The following ZCCHC14 variants were observed in gnomAD, a reference collection of about 807,000 sequenced individuals.
The protein encoded by ZCCHC14 is zinc finger CCHC-type containing 14, also known as zinc finger CCHC domain-containing protein 14.
ZCCHC14 carries 16 observed loss-of-function variants against 85.0 expected under a neutral mutation model. The observed-to-expected ratio is 0.19, with a 90% CI of 0.13 to 0.29. The LOEUF is 0.29. Ranked by LOEUF, ZCCHC14 falls within the 10% of genes least tolerant of loss-of-function variation. The pLI is 1.00. For missense variants in ZCCHC14, 1,303 were observed against 1,443.5 expected (o/e 0.90, Z 1.58); for synonymous variants, 775 against 630.7 (o/e 1.23, Z -3.43).
intron 3 of ZCCHC14, among the ~76,000 whole-genome samples, chr16:87,430,256 T>C (rs1436141751): frequency 6.6e-6 from 1 of 152,158 alleles, no homozygotes; most frequent in Non-Finnish European, 1.5e-5. Flanking sequence ...TTGCTTCTCC[T>C]GCATACGGAC....
At chr16:87,468,307 C>G (rs572759867) in intron 1 of ZCCHC14, among the ~76,000 whole-genome samples, 2 of 152,180 alleles carry the variant, frequency 1.3e-5, no homozygotes, top group African/African-American at 4.8e-5. Flanking sequence ...TTTTATTTAA[C>G]ATTTTAAAAA....
chr16:87,475,724 A>T (rs1911977204), intron 1 of ZCCHC14, among the ~76,000 whole-genome samples: 1 of 151,444 alleles, frequency 6.6e-6, no homozygotes, highest in Admixed American at 6.6e-5. Context: ...AGAGAGAAAA[A>T]GATCTGAAAG....
chr16:87,482,062 C>T (rs1912305810), intron 1 of ZCCHC14, among the ~76,000 whole-genome samples: 1 of 152,164 alleles, frequency 6.6e-6, no homozygotes, highest in Admixed American at 6.6e-5. Context: ...ATTGTAATGG[C>T]AGTGGCAGAG....
At chr16:87,450,234 T>C (rs1380322347) in intron 2 of ZCCHC14, among the ~76,000 whole-genome samples, 3 of 152,258 alleles carry the variant, frequency 2.0e-5, no homozygotes, top group Non-Finnish European at 4.4e-5. Context: ...AAAACTGTGT[T>C]CTTAAGACTT....
chr16:87,419,776 A>G lies in ZCCHC14; in HGVS notation c.1045+7T>C. The stretch of plus-strand genomic sequence containing the variant: ...AATTTATATTTAACCATATTTTACA[A>G]ACTCACTTGGACTCTGAAGCTGCTG... On this transcript the variant is annotated splice_region_variant and intron_variant, in intron 6 of 12. Coordinates refer to ENST00000671377, the MANE Select transcript of ZCCHC14 (RefSeq NM_015144.3). 6.3e-7 allele frequency: 1 copy of G among 1,578,824 alleles called. No individual in the cohort carries two copies.
At chr16:87,433,996 G>A (rs1458895139) in intron 2 of ZCCHC14, among the ~76,000 whole-genome samples, 1 of 152,158 alleles carries the variant, frequency 6.6e-6, no homozygotes, top group African/African-American at 2.4e-5. Flanking sequence ...CAAGGATGAG[G>A]AGACCAGAAC....
At chr16:87,487,766 AGCTCG>A (rs1428075617) in intron 1 of ZCCHC14, among the ~76,000 whole-genome samples, 1 of 152,270 alleles carries the variant, frequency 6.6e-6, no homozygotes, top group Non-Finnish European at 1.5e-5. Context: ...GCGTGAGCAC[AGCTCG>A]GCCTCTTCAC....
chr16:87,426,589 C>A (rs900738501), intron 3 of ZCCHC14, among the ~76,000 whole-genome samples: 13 of 152,204 alleles, frequency 8.5e-5, no homozygotes, highest in African/African-American at 3.1e-4. Context: ...CACAGCCTCC[C>A]CCTCCAGAGC....
At chr16:87,468,313 A>T (rs1911622998) in intron 1 of ZCCHC14, among the ~76,000 whole-genome samples, 1 of 152,208 alleles carries the variant, frequency 6.6e-6, no homozygotes. Context: ...TTAACATTTT[A>T]AAAATAATAT....
At chr16:87,480,981 A>C (rs1429457994) in intron 1 of ZCCHC14, among the ~76,000 whole-genome samples, 1 of 152,226 alleles carries the variant, frequency 6.6e-6, no homozygotes, top group South Asian at 2.1e-4. Flanking sequence ...GCCATGGCAC[A>C]TCATGCCAAG....
Position 87,423,896 on chromosome 16 carries a change from A to G in ZCCHC14, c.769-15T>C, listed in dbSNP as rs1909233026. 1 of 1,613,364 alleles carries G rather than the reference A, an allele frequency of 6.2e-7. No homozygotes were observed. The highest frequency in any genetic ancestry group is 8.5e-7 in the Non-Finnish European group (1 of 1,179,616). The stretch of plus-strand genomic sequence containing the variant: ...GACCACAAGACCTTAAAAACAAACA[A>G]ACAAACAAACCTTAGAAACAGACAC... On this transcript the variant is annotated splice_polypyrimidine_tract_variant and intron_variant, in intron 3 of 12. Transcript: ENST00000671377.
At position 87,412,088 on chromosome 16, in the gene ZCCHC14, C is replaced by A; in HGVS notation, c.2633G>T (p.Ser878Ile). 1 of 1,612,866 alleles carries A rather than the reference C, an allele frequency of 6.2e-7. No homozygotes were observed. Among genetic ancestry groups the A allele is most frequent in the Admixed American group, 1.7e-5 (1 of 60,026 alleles). ...SSPALSSVPE[S>I]SFYSSSGGGG... ...ACCGCCACTGCTGCTATAGAAACTGCTTTCAGGGACGGAGGACAGCGCCGG... is the reference window on the plus strand; with the variant it reads ...ACCGCCACTGCTGCTATAGAAACTGATTTCAGGGACGGAGGACAGCGCCGG... Residue 878 changes from serine to isoleucine, a missense_variant, in exon 12 of 13, where the codon AGC (serine) becomes ATC (isoleucine). Coordinates refer to ENST00000671377, the MANE Select transcript of ZCCHC14 (RefSeq NM_015144.3).
At position 87,437,405 on chromosome 16, in the gene ZCCHC14, G is replaced by T. The variant is rs12918310; in HGVS notation, c.695-4204C>A. ...TCACCCCATCACCTGAGAGAGCAGA[G>T]CCAGAGGGACCACAAAGACAGGATC... On this transcript the variant is annotated intron_variant, in intron 2 of 12. Coordinates refer to ENST00000671377, the MANE Select transcript of ZCCHC14 (RefSeq NM_015144.3). 6.9e-3 allele frequency among the ~76,000 whole-genome samples: 1,028 copies of T among 149,956 alleles called. 8 individuals are homozygous for T. The highest frequency in any genetic ancestry group is 0.012 in the Admixed American group (179 of 15,108).
Position 87,410,329 on chromosome 16 carries a change from A to T in ZCCHC14, c.3212T>A (p.Phe1071Tyr). 1 of 776,450 alleles carries T rather than the reference A, an allele frequency of 1.3e-6. No homozygotes were observed. Among genetic ancestry groups the T allele is most frequent in the Non-Finnish European group, 2.4e-6 (1 of 416,612 alleles). 48.1% of individuals were successfully genotyped at this position (776,450 alleles called of 1,614,324 possible). A position where few individuals can be genotyped will look rare whatever the true frequency, so the allele number is the denominator to read the frequency against. ...PSMDFNRPGT[F>Y]RLKYAPPAES... is the part of the protein sequence containing the mutation. Reference sequence around the variant, plus strand: ...TGCTGGAGGGGCGTATTTCAACCTAAAAGTACCTAGAGAGAGGGGAAAAAA... The same window carrying T: ...TGCTGGAGGGGCGTATTTCAACCTATAAGTACCTAGAGAGAGGGGAAAAAA... Residue 1071 changes from phenylalanine (F) to tyrosine (Y), a missense_variant, in exon 13 of 13, where the codon TTT becomes TAT. Around this residue, in one of 7 missense-constraint regions of ZCCHC14, gnomAD observed 797 missense variants for 730.8 expected, o/e 1.09. Coordinates refer to ENST00000671377, the MANE Select transcript of ZCCHC14 (RefSeq NM_015144.3).
intron 2 of ZCCHC14, among the ~76,000 whole-genome samples, chr16:87,450,453 T>C (rs1000655639): frequency 1.3e-5 from 2 of 152,256 alleles, no homozygotes; most frequent in Non-Finnish European, 2.9e-5. Flanking sequence ...ATATAATTTA[T>C]TTTTCTTTGG....
At position 87,414,280 on chromosome 16, in the gene ZCCHC14, CGGG is replaced by C; in HGVS notation, c.1603+131_1603+133del. Reference sequence around the variant, plus strand: ...ACGAGTAACCCACCTGCCCGGCACACGGGCCCTCTCTGTGTACGAGTAACCCAT... The same window carrying C: ...ACGAGTAACCCACCTGCCCGGCACACCCCTCTCTGTGTACGAGTAACCCAT... On this transcript the variant is annotated intron_variant, in intron 10 of 12. Coordinates refer to ENST00000671377, the MANE Select transcript of ZCCHC14 (RefSeq NM_015144.3). 3.8e-6 allele frequency: 5 copies of C among 1,330,466 alleles called. No individual in the cohort carries two copies. In the African/African-American group the frequency reaches 7.2e-5, roughly 19 times the overall value. The allele number at this position is 1,330,466 out of a possible 1,614,324, so 82.4% of individuals were successfully genotyped here.
intron 1 of ZCCHC14, among the ~76,000 whole-genome samples, chr16:87,476,532 C>T (rs1270691758): frequency 6.6e-6 from 1 of 151,878 alleles, no homozygotes; most frequent in Non-Finnish European, 1.5e-5. Context: ...AGGCGGGGTA[C>T]GGTATTAACT....
chr16:87,478,279 C>T (rs1206238591), intron 1 of ZCCHC14, among the ~76,000 whole-genome samples: 1 of 152,152 alleles, frequency 6.6e-6, no homozygotes, highest in East Asian at 1.9e-4. Flanking sequence ...AATCACGCAA[C>T]GAAGGAAGCC....
chr16:87,459,949 T>C (rs1158294443), intron 2 of ZCCHC14, 59 bp downstream of exon 2: 14 of 1,611,558 alleles, frequency 8.7e-6, no homozygotes, highest in East Asian at 2.2e-5. Flanking sequence ...CACGGGGATC[T>C]GGGGTGTGCC....
Sources: gnomAD v4.1 joint callset for allele counts (sites outside exome capture counted in the v4.1 genomes callset) on GRCh38, gnomAD v4.1.1 for gene constraint, gnomAD v4.1.1 regional missense constraint, MANE v1.5 for transcripts, NCBI Gene and HGNC (gene_info 2026-07-23, HGNC 2026-07-21) for gene names.